DSCAM: variants seen among roughly 807,000 people sequenced by gnomAD.
The protein encoded by DSCAM is cell adhesion molecule DSCAM.
DSCAM carries 47 observed loss-of-function variants against 217.7 expected under a neutral mutation model. The observed-to-expected ratio is 0.22, with a 90% CI of 0.17 to 0.28. DSCAM has a LOEUF of 0.28. Among genes scored for constraint, DSCAM ranks in the 10% least tolerant of loss-of-function variants. DSCAM has a pLI of 1.00. For missense variants in DSCAM, 2,080 were observed against 2,618.3 expected (o/e 0.79, Z 4.49); for synonymous variants, 1,056 against 1,015.3 (o/e 1.04, Z -0.76).
intron 3 of DSCAM, among the ~76,000 whole-genome samples, chr21:40,416,629 C>A (rs2075374347): frequency 6.6e-6 from 1 of 151,060 alleles, no homozygotes; most frequent in African/African-American, 2.4e-5. Context: ...AAAAAGTGAG[C>A]TATTTGCAAA....
At chr21:40,436,343 G>C (rs973348596) in intron 3 of DSCAM, among the ~76,000 whole-genome samples, 1 of 152,110 alleles carries the variant, frequency 6.6e-6, no homozygotes, top group African/African-American at 2.4e-5. Flanking sequence ...AATTACACTT[G>C]AACAGTATTT....
intron 11 of DSCAM, among the ~76,000 whole-genome samples, chr21:40,223,450 T>C (rs1188896152): frequency 6.6e-6 from 1 of 152,198 alleles, no homozygotes; most frequent in East Asian, 1.9e-4. Context: ...ACATATGGGC[T>C]TCCTAAACAC....
chr21:40,421,613 T>C (rs2075424921), intron 3 of DSCAM, among the ~76,000 whole-genome samples: 1 of 152,258 alleles, frequency 6.6e-6, no homozygotes, highest in African/African-American at 2.4e-5. Context: ...GCCTTTCTTT[T>C]ACTGCCTCTC....
chr21:40,455,269 T>A (rs957812421), intron 3 of DSCAM, among the ~76,000 whole-genome samples: 2 of 151,894 alleles, frequency 1.3e-5, no homozygotes, highest in African/African-American at 4.8e-5. Flanking sequence ...AAATGTATGG[T>A]CATGAATGAA....
intron 11 of DSCAM, among the ~76,000 whole-genome samples, chr21:40,273,634 C>T (rs920898974): frequency 3.3e-5 from 5 of 152,130 alleles, no homozygotes; most frequent in Admixed American, 1.3e-4. Context: ...CTTTTCGTTC[C>T]GTAGTTTCTT....
intron 11 of DSCAM, among the ~76,000 whole-genome samples, chr21:40,215,225 CAAAAAAAAAAAAAAAAAAAAAAAA>C (rs1162761613): frequency 3.6e-4 from 2 of 5,484 alleles, no homozygotes; most frequent in Admixed American, 4.9e-3. Flanking sequence ...GACTCCGTCT[CAAAAAAAAAAAAAAAAAAAAAAAA>C]AAAAAAAAAA....
intron 17 of DSCAM, among the ~76,000 whole-genome samples, chr21:40,143,914 C>T (rs1217708345): frequency 6.6e-6 from 1 of 152,162 alleles, no homozygotes; most frequent in Non-Finnish European, 1.5e-5. Flanking sequence ...GCCTAAAACA[C>T]TGTGCCTCTG....
chr21:40,276,451 A>T (rs1000841532), intron 10 of DSCAM, among the ~76,000 whole-genome samples, 181 bp from the exon 11 acceptor site: 3 of 152,200 alleles, frequency 2.0e-5, no homozygotes, highest in African/African-American at 7.2e-5. Context: ...TAGAGAGAAA[A>T]GCATTTATTT....
At position 40,369,198 on chromosome 21, in the gene DSCAM, C is replaced by T; in HGVS notation, c.556G>A (p.Val186Ile). Residue 186 changes from valine (V) to isoleucine (I), a missense_variant, in exon 4 of 33, where the codon GTA becomes ATA. Val to Ile is a conservative substitution (Grantham distance 29, BLOSUM62 3). Coordinates refer to ENST00000400454, the MANE Select transcript of DSCAM (RefSeq NM_001389.5). ...TTATACAATCCATCTTCATTCTGTACATCTTTAATATACAAGGCTCCCGTG... is the reference window on the plus strand; with the variant it reads ...TTATACAATCCATCTTCATTCTGTATATCTTTAATATACAAGGCTCCCGTG... ...TSTGALYIKD[V>I]QNEDGLYNYR... 6.2e-7 allele frequency: 1 copy of T among 1,612,562 alleles called. No individual in the cohort carries two copies. The highest frequency in any genetic ancestry group is 1.3e-5 in the African/African-American group (1 of 74,996).
chr21:40,542,304 C>T (rs1601729228), intron 3 of DSCAM, among the ~76,000 whole-genome samples: 1 of 152,148 alleles, frequency 6.6e-6, no homozygotes, highest in Non-Finnish European at 1.5e-5. Context: ...TTAGGGGTAA[C>T]GATGTCACAA....
chr21:40,277,000 G>T (rs1038181641), intron 10 of DSCAM, among the ~76,000 whole-genome samples: 4 of 151,984 alleles, frequency 2.6e-5, no homozygotes, highest in African/African-American at 9.7e-5. Flanking sequence ...TAGAAATAAT[G>T]AAACAGATTA....
At chr21:40,578,178 G>A (rs1020228604) in intron 3 of DSCAM, among the ~76,000 whole-genome samples, 2 of 152,148 alleles carry the variant, frequency 1.3e-5, no homozygotes, top group African/African-American at 4.8e-5. Flanking sequence ...ACAGCCTAGA[G>A]GTATCCGGCA....
At chr21:40,456,091 T>A (rs1387928188) in intron 3 of DSCAM, among the ~76,000 whole-genome samples, 2 of 151,650 alleles carry the variant, frequency 1.3e-5, no homozygotes, top group Non-Finnish European at 2.9e-5. Context: ...AGTATAATAA[T>A]AATAAAAGAA....
At chr21:40,088,167 T>C (rs901608812) in intron 21 of DSCAM, among the ~76,000 whole-genome samples, 2 of 152,164 alleles carry the variant, frequency 1.3e-5, no homozygotes, top group African/African-American at 4.8e-5. Flanking sequence ...GACACTGTCA[T>C]GGAGCTGGGG....
At chr21:40,238,882 G>A (rs79434200) in intron 11 of DSCAM, among the ~76,000 whole-genome samples, 2 of 152,154 alleles carry the variant, frequency 1.3e-5, no homozygotes. Flanking sequence ...GAATCTGACA[G>A]TGATATAAGT....
intron 3 of DSCAM, among the ~76,000 whole-genome samples, chr21:40,505,187 C>G (rs2076200455): frequency 6.6e-6 from 1 of 152,172 alleles, no homozygotes; most frequent in Non-Finnish European, 1.5e-5. Flanking sequence ...TGGATTTAGC[C>G]TATCATCACT....
chr21:40,825,271 TTCC>T (rs2091959151), intron 1 of DSCAM, among the ~76,000 whole-genome samples: 1 of 45,458 alleles, frequency 2.2e-5, no homozygotes. Context: ...CTTTCTTTCC[TTCC>T]TTCCTTCCTT....
chr21:40,512,581 G>A (rs1389398126), intron 3 of DSCAM, among the ~76,000 whole-genome samples: 5 of 152,090 alleles, frequency 3.3e-5, no homozygotes, highest in Non-Finnish European at 7.4e-5. Context: ...GGCCAGTAGA[G>A]GTCAGAATAT....
At chr21:40,371,712 T>C (rs1980406) in intron 3 of DSCAM, among the ~76,000 whole-genome samples, 8,467 of 152,262 alleles carry the variant, frequency 0.056, 423 homozygotes, top group African/African-American at 0.14. Context: ...CAGAAGAACT[T>C]GAACCTTTGA....
Sources: allele counts gnomAD v4.1 joint callset (sites outside exome capture counted in the v4.1 genomes callset), GRCh38; gene constraint gnomAD v4.1.1; transcripts MANE v1.5; gene names NCBI Gene and HGNC (gene_info 2026-07-23, HGNC 2026-07-21).